TTC7A: variants seen among roughly 807,000 people sequenced by gnomAD.
The protein encoded by TTC7A is tetratricopeptide repeat domain 7A.
A neutral mutation model predicts 103.7 loss-of-function variants in TTC7A; 110 were observed. The ratio of observed to expected loss-of-function variants is 1.06; its 90% CI spans 0.91 to 1.24. The LOEUF is 1.24. Ranked by LOEUF, TTC7A falls within the 50% of genes most tolerant of loss-of-function variation. The pLI, the probability that TTC7A is intolerant of heterozygous loss-of-function variation, is 0.00. For synonymous variants in TTC7A, 521 were observed against 467.9 expected (o/e 1.11, Z -1.47); for missense variants, 1,340 against 1,116.3 (o/e 1.20, Z -2.86).
At chr2:47,004,681 G>C (rs1019723667) in intron 8 of TTC7A, among the ~76,000 whole-genome samples, 1 of 151,878 alleles carries the variant, frequency 6.6e-6, no homozygotes, top group Admixed American at 6.6e-5. Context: ...CAGGAGAAGG[G>C]AGGATGCTGG....
At chr2:46,937,839 CCT>C (rs1670057075), upstream of TTC7A, among the ~76,000 whole-genome samples, 2 of 152,260 alleles carry the variant, frequency 1.3e-5, no homozygotes, top group East Asian at 3.9e-4. This position sits in a 1 kb window ranked among gnomAD's most constrained non-coding sequence, Gnocchi z 4.0. Flanking sequence ...GGCAGTCTTC[CCT>C]GTGAAAGCAA....
intron 15 of TTC7A, chr2:47,035,496 T>C (rs549028566): frequency 2.0e-5 from 3 of 152,346 alleles, no homozygotes; most frequent in African/African-American, 7.2e-5. Flanking sequence ...TCGTGGGTTG[T>C]CCCGTGAGAA....
chr2:47,006,511 A>G (rs1677410672), intron 9 of TTC7A, 130 bp from the exon 10 acceptor site: 4 of 778,900 alleles, frequency 5.1e-6, no homozygotes, highest in Non-Finnish European at 8.8e-6. Flanking sequence ...GGTGTCTCCC[A>G]GGAGCCAAGT....
chr2:46,944,552 A>G (rs1214428017), intron 1 of TTC7A, among the ~76,000 whole-genome samples: 1 of 151,340 alleles, frequency 6.6e-6, no homozygotes, highest in East Asian at 1.9e-4. Flanking sequence ...TCCCATCTCT[A>G]CCCCCTACTC....
chr2:47,006,813 G>A, intron 10 of TTC7A, 89 bp downstream of exon 10: 2 of 1,082,262 alleles, frequency 1.8e-6, no homozygotes, highest in South Asian at 1.3e-5. Flanking sequence ...CCAGGGGAGT[G>A]GGTGGGTATT....
chr2:47,071,776 C>G lies in TTC7A; in HGVS notation c.2356-1926C>G, dbSNP rs150649418. ...CACCAGCCTGCAGACACATCTGGCC[C>G]CTTCCCAAACACCCACATACTTCTT... On this transcript the variant is annotated intron_variant, in intron 19 of 19. Coordinates refer to ENST00000319190, the MANE Select transcript of TTC7A (RefSeq NM_020458.4). Among the ~76,000 whole-genome samples the G allele has an allele frequency of 4.5e-3, 689 of 152,304 alleles. 5 individuals carry two copies. The highest frequency in any genetic ancestry group is 0.016 in the African/African-American group (652 of 41,572).
chr2:47,044,499 C>T (rs2104690898), intron 15 of TTC7A, among the ~76,000 whole-genome samples: 1 of 152,320 alleles, frequency 6.6e-6, no homozygotes, highest in South Asian at 2.1e-4. Context: ...GCCAGCTGTG[C>T]ACTCAGGTCC....
chr2:47,061,709 C>T (rs113357494), intron 19 of TTC7A, among the ~76,000 whole-genome samples: 8 of 152,212 alleles, frequency 5.3e-5, no homozygotes, highest in Non-Finnish European at 1.2e-4. Context: ...CGGTGGATAT[C>T]CTCTGGTCCA....
intron 11 of TTC7A, among the ~76,000 whole-genome samples, chr2:47,020,918 G>T (rs1679216176): frequency 6.6e-6 from 1 of 152,210 alleles, no homozygotes; most frequent in African/African-American, 2.4e-5. Flanking sequence ...AAGCCAACTT[G>T]GGTTTGAATC....
intron 5 of TTC7A, among the ~76,000 whole-genome samples, chr2:46,991,017 A>G (rs902033226): frequency 2.6e-5 from 4 of 152,106 alleles, no homozygotes; most frequent in South Asian, 2.1e-4. Context: ...GGTTCAAGCA[A>G]TTCTCCTGCC....
intron 3 of TTC7A, among the ~76,000 whole-genome samples, chr2:46,971,755 A>G (rs900844313): frequency 6.6e-6 from 1 of 152,178 alleles, no homozygotes; most frequent in Admixed American, 6.5e-5. Context: ...TTCTTCCATT[A>G]TACATCTCTT....
At chr2:46,954,329 C>A (rs935733376) in intron 2 of TTC7A, among the ~76,000 whole-genome samples, 2 of 152,102 alleles carry the variant, frequency 1.3e-5, no homozygotes, top group Admixed American at 1.3e-4. Flanking sequence ...CCCGTGGCAC[C>A]CTCCCACTGG....
At chr2:46,972,985 G>A in intron 3 of TTC7A, among the ~76,000 whole-genome samples, 1 of 152,158 alleles carries the variant, frequency 6.6e-6, no homozygotes. Flanking sequence ...CCATCTTCAG[G>A]CCAGAATTCA....
chr2:46,982,554 T>C (rs1407291254), intron 5 of TTC7A, among the ~76,000 whole-genome samples: 2 of 152,238 alleles, frequency 1.3e-5, no homozygotes, highest in Non-Finnish European at 2.9e-5. Flanking sequence ...CCTTGAGCTC[T>C]CTGAACCTCT....
Position 46,930,435 on chromosome 2 carries a change from GA to G in TTC7A, c.82+13172del, listed in dbSNP as rs56691862. On this transcript the variant is annotated intron_variant, in intron 2 of 20. Coordinates refer to the TTC7A transcript ENST00000409245. ...AAAGCTAGATGAAACGTATTCCTAG[GA>G]AAAAAAAAAAAAACTTACCAAAAAT... Among the ~76,000 whole-genome samples, 215 of 120,304 alleles carry G rather than the reference GA, an allele frequency of 1.8e-3. 2 individuals are homozygous for G. The highest frequency in any genetic ancestry group is 2.1e-3 in the African/African-American group (68 of 33,052). 78.9% of individuals were successfully genotyped at this position (120,304 alleles called of 152,430 possible). A position where few individuals can be genotyped will look rare whatever the true frequency, so the allele number is the denominator to read the frequency against.
At chr2:46,960,758 G>C (rs1672299397) in intron 3 of TTC7A, among the ~76,000 whole-genome samples, 1 of 152,242 alleles carries the variant, frequency 6.6e-6, no homozygotes, top group South Asian at 2.1e-4. Context: ...AGTAGCATTG[G>C]TGGCCAGATG....
intron 18 of TTC7A, chr2:47,054,227 A>G (rs1028079118): frequency 1.1e-6 from 1 of 931,500 alleles, no homozygotes. Flanking sequence ...TGTCTTGCAC[A>G]AGGTGGGTGC....
At chr2:47,023,358 G>A (rs1177361471) in intron 12 of TTC7A, 50 bp from the exon 13 acceptor site, 6 of 1,598,532 alleles carry the variant, frequency 3.8e-6, no homozygotes, top group Non-Finnish European at 4.3e-6. Flanking sequence ...GGCTGGGCCG[G>A]CACCCTTCAG....
At position 47,073,810 on chromosome 2, in the gene TTC7A, G is replaced by C. The variant is rs750183392; in HGVS notation, c.2464G>C (p.Val822Leu). 3.7e-6 allele frequency: 6 copies of C among 1,613,712 alleles called. No homozygotes were observed. Among genetic ancestry groups the C allele is most frequent in the Non-Finnish European group, 4.2e-6 (5 of 1,179,986 alleles). ...CHEAWQGLGE[V>L]LQAQGQNEAA... ...CGAGGCGTGGCAGGGCCTGGGCGAG[G>C]TGCTGCAGGCCCAGGGCCAGAACGA... is the stretch of plus-strand genomic sequence containing the variant. The change falls in exon 20 of 20, where the codon GTG becomes CTG. Residue 822 changes from valine (V) to leucine (L), a missense_variant. Transcript: ENST00000319190.
Sources: allele counts gnomAD v4.1 joint callset (sites outside exome capture counted in the v4.1 genomes callset), GRCh38; gene constraint gnomAD v4.1.1; non-coding constraint Gnocchi (gnomAD v3.1); transcripts MANE v1.5; gene names NCBI Gene and HGNC (gene_info 2026-07-23, HGNC 2026-07-21).